RNF43: variants seen among roughly 807,000 people sequenced by gnomAD.
RNF43 encodes the protein E3 ubiquitin-protein ligase RNF43.
RNF43 carries 37 observed loss-of-function variants against 78.4 expected under a neutral mutation model. The ratio of observed to expected loss-of-function variants is 0.47; its 90% CI spans 0.36 to 0.62. The LOEUF is 0.62. Ranked by LOEUF, RNF43 falls within the 20% of genes least tolerant of loss-of-function variation. RNF43 has a pLI of 0.00. For synonymous variants in RNF43, 347 were observed against 395.0 expected, an observed-to-expected ratio of 0.88 and a Z score of 1.44; for missense variants, 774 against 1,007.9, an observed-to-expected ratio of 0.77 and a Z score of 3.14.
chr17:58,359,486 C>T (rs1051720972), intron 8 of RNF43, among the ~76,000 whole-genome samples: 4 of 151,736 alleles, frequency 2.6e-5, no homozygotes, highest in African/African-American at 9.7e-5. Context: ...CGCCTATAGT[C>T]CCAGCTACTC....
intron 2 of RNF43, among the ~76,000 whole-genome samples, chr17:58,376,152 T>C (rs1332205161): frequency 6.6e-6 from 1 of 152,110 alleles, no homozygotes; most frequent in Non-Finnish European, 1.5e-5. Flanking sequence ...GGCTGGCCCC[T>C]GGGAGAGATG....
At chr17:58,415,035 C>A (rs910131115) in intron 2 of RNF43, among the ~76,000 whole-genome samples, 3 of 151,834 alleles carry the variant, frequency 2.0e-5, no homozygotes, top group African/African-American at 7.3e-5. Flanking sequence ...AAAATTAGTG[C>A]CCAGAATATA....
chr17:58,393,938 C>T (rs1014778811), intron 2 of RNF43, among the ~76,000 whole-genome samples: 3 of 152,140 alleles, frequency 2.0e-5, no homozygotes, highest in African/African-American at 7.2e-5. Flanking sequence ...CACCTGTAGT[C>T]CCAGCTACTC....
chr17:58,410,878 C>G (rs1974013781), intron 2 of RNF43, among the ~76,000 whole-genome samples: 1 of 152,116 alleles, frequency 6.6e-6, no homozygotes, highest in African/African-American at 2.4e-5. Context: ...TCATTCCTTT[C>G]TACTCTGGAA....
In RNF43 at chr17:58,415,277, G is replaced by A. The variant is rs1200521631; in HGVS notation, c.252+49C>T. ...TTCATTTGGGAGACAAAAGAAGAAA[G>A]ACATATTTCAAACAGATGGAAAGTG... On this transcript the variant is annotated intron_variant, in intron 2 of 9. Coordinates refer to ENST00000407977, the MANE Select transcript of RNF43 (RefSeq NM_017763.6). The A allele has an allele frequency of 6.3e-7, 1 of 1,593,504 alleles. No individual in the cohort carries two copies. The highest frequency in any genetic ancestry group is 8.6e-7 in the Non-Finnish European group (1 of 1,162,778).
chr17:58,373,103 G>A (rs1288317703), intron 2 of RNF43, among the ~76,000 whole-genome samples: 2 of 152,210 alleles, frequency 1.3e-5, no homozygotes, highest in East Asian at 3.8e-4. Context: ...CCTTCCCTGA[G>A]GAAGGACAAA....
At chr17:58,366,812 T>C (rs1972962680) in intron 3 of RNF43, among the ~76,000 whole-genome samples, 1 of 152,144 alleles carries the variant, frequency 6.6e-6, no homozygotes, top group South Asian at 2.1e-4. Flanking sequence ...GTTATTATTA[T>C]ATCAACTATT....
chr17:58,411,019 A>T (rs114469297), intron 2 of RNF43, among the ~76,000 whole-genome samples: 1 of 152,344 alleles, frequency 6.6e-6, no homozygotes, highest in East Asian at 1.9e-4. Flanking sequence ...ACTAGATAAT[A>T]ATAGTTAATA....
At chr17:58,384,061 T>C (rs1973381156) in intron 2 of RNF43, among the ~76,000 whole-genome samples, 1 of 152,272 alleles carries the variant, frequency 6.6e-6, no homozygotes, top group African/African-American at 2.4e-5. Flanking sequence ...CCAAAGGCAG[T>C]TGTATGTTCA....
chr17:58,376,974 AG>A (rs1973217032), intron 2 of RNF43, among the ~76,000 whole-genome samples: 1 of 152,302 alleles, frequency 6.6e-6, no homozygotes, highest in Admixed American at 6.5e-5. Context: ...CCCTGTGTAA[AG>A]ACATGTGAAC....
In RNF43 at chr17:58,370,943, C is replaced by A. The variant is rs201364571; in HGVS notation, c.343G>T (p.Ala115Ser). The A allele has an allele frequency of 9.5e-5, 152 of 1,607,838 alleles. No homozygotes were observed. Among genetic ancestry groups the A allele is most frequent in the Non-Finnish European group, 1.2e-4 (140 of 1,176,550 alleles). ...GCCAGTGACAGGCAGGGGCGGGGGG[C>A]CCGTCGAGGACTCTCCAGCTTGACG... ...SIVKLESPRR[A>S]PRPCLSLASK... The change falls in exon 3 of 10, where the codon GCC becomes TCC. Residue 115 changes from alanine to serine, a missense_variant. Coordinates refer to ENST00000407977, the MANE Select transcript of RNF43 (RefSeq NM_017763.6).
At position 58,364,691 on chromosome 17, in the gene RNF43, C is replaced by T. The variant is rs540467893; in HGVS notation, c.376-1091G>A. 1.1e-4 allele frequency among the ~76,000 whole-genome samples: 16 copies of T among 152,316 alleles called. 1 individual carries two copies. In the South Asian group the frequency reaches 3.3e-3, roughly 32 times the overall value. On this transcript the variant is annotated intron_variant, in intron 3 of 9. Transcript: ENST00000407977. ...GATTTTACATCCCTGGGCACCGCCC[C>T]CCCTCACCCCCAAAGTCTCTGGGGT...
In RNF43 at chr17:58,362,505, G is replaced by A. The variant is rs745926008; in HGVS notation, c.687+39C>T. The A allele has an allele frequency of 2.3e-5, 34 of 1,481,774 alleles. No individual in the cohort carries two copies. In the South Asian group the frequency reaches 2.5e-4, roughly 11 times the overall value. The allele number at this position is 1,481,774 out of a possible 1,614,324, so 91.8% of individuals were successfully genotyped here. ...TCCCTAACCACCCACCCACACACAC[G>A]CACACGTTCACCGCCGCCAAAGACC... On this transcript the variant is annotated intron_variant, in intron 6 of 9. Transcript: ENST00000407977.
chr17:58,411,491 T>C (rs1313088704), intron 2 of RNF43, among the ~76,000 whole-genome samples: 1 of 151,960 alleles, frequency 6.6e-6, no homozygotes, highest in Non-Finnish European at 1.5e-5. Flanking sequence ...AGCAGAGACA[T>C]TGTGCAAAGG....
chr17:58,355,912 C>T (rs116795214), intron 9 of RNF43, among the ~76,000 whole-genome samples: 136 of 152,296 alleles, frequency 8.9e-4, no homozygotes, highest in African/African-American at 3.2e-3. Flanking sequence ...GCCATCAGTA[C>T]TGGACTTGAA....
chr17:58,357,471 G>C lies in RNF43; in HGVS notation c.2305C>G (p.Pro769Ala), dbSNP rs769450192. 48 of 1,614,016 alleles carry C rather than the reference G, an allele frequency of 3.0e-5. No individual in the cohort carries two copies. The South Asian group carries it at 4.3e-4, about 14-fold the overall frequency. ...YPHCQVLSAQ[P>A]GSEEELEELC... ...CCACTTCCCTCTGAAAACTCACCAG[G>C]CTGGGCCGACAGCACCTGGCAGTGC... is the stretch of plus-strand genomic sequence containing the variant. The change falls in exon 9 of 10, where the codon CCT becomes GCT. Residue 769 changes from proline to alanine, a missense_variant. Pro to Ala is a conservative substitution (Grantham distance 27). Coordinates refer to ENST00000407977, the MANE Select transcript of RNF43 (RefSeq NM_017763.6). This position sits in a 1 kb window ranked among gnomAD's most constrained non-coding sequence, Gnocchi z 4.5.
chr17:58,381,564 G>T (rs571096917), intron 2 of RNF43, among the ~76,000 whole-genome samples: 14 of 152,340 alleles, frequency 9.2e-5, no homozygotes, highest in Admixed American at 7.2e-4. Context: ...CTCTGGGAGA[G>T]CCTGGGAGGG....
rs548607577 is a variant in RNF43 at position 58,415,867 on chromosome 17, T to C, written c.-290A>G. 1 of 461,014 alleles carries C rather than the reference T, an allele frequency of 2.2e-6. No individual in the cohort carries two copies. Among genetic ancestry groups the C allele is most frequent in the African/African-American group, 1.9e-5 (1 of 52,254 alleles). 28.6% of individuals were successfully genotyped at this position (461,014 alleles called of 1,614,324 possible). On this transcript the variant is annotated 5_prime_UTR_variant, in exon 2 of 10. Transcript: ENST00000407977. ...AAGATCTCACCACTTCTCTTTGGAA[T>C]TTCCAACTTTGCTTGTGATTGAATG...
At chr17:58,381,358 A>ACCACAGCTCTGAATCTTTGT (rs1973313530) in intron 2 of RNF43, among the ~76,000 whole-genome samples, 1 of 152,192 alleles carries the variant, frequency 6.6e-6, no homozygotes, top group Non-Finnish European at 1.5e-5. Flanking sequence ...CAGCCCTTTG[A>ACCACAGCTCTGAATCTTTGT]CCACAGCTCT....
Sources: allele counts gnomAD v4.1 joint callset (sites outside exome capture counted in the v4.1 genomes callset), GRCh38; gene constraint gnomAD v4.1.1; non-coding constraint Gnocchi (gnomAD v3.1); transcripts MANE v1.5; gene names NCBI Gene and HGNC (gene_info 2026-07-23, HGNC 2026-07-21).